Variants in APAF1 observed in about 807,000 individuals in gnomAD.
The protein encoded by APAF1 is apoptotic protease-activating factor 1.
A neutral mutation model predicts 152.4 loss-of-function variants in APAF1; 91 were observed. The ratio of observed to expected loss-of-function variants is 0.60; its 90% confidence interval spans 0.50 to 0.71. APAF1 has a LOEUF of 0.71. Ranked by LOEUF, APAF1 falls within the 30% of genes least tolerant of loss-of-function variation. The pLI is 0.00. For synonymous variants in APAF1, 484 were observed against 494.1 expected (o/e 0.98, Z 0.27); for missense variants, 1,283 against 1,472.0 (o/e 0.87, Z 2.10).
chr12:98,696,855 A>G (rs1350852756), intron 16 of APAF1, among the ~76,000 whole-genome samples: 11 of 152,174 alleles, frequency 7.2e-5, no homozygotes, highest in Admixed American at 5.2e-4. Flanking sequence ...TGTGCCAGAT[A>G]CTGTACTAGG....
chr12:98,650,426 C>T (rs2097647465), intron 4 of APAF1, among the ~76,000 whole-genome samples: 1 of 151,746 alleles, frequency 6.6e-6, no homozygotes, highest in Non-Finnish European at 1.5e-5. Flanking sequence ...GCGGAGGTTG[C>T]AGTGAGCTGA....
chr12:98,653,691 A>ATATAAATATATATATATAT (rs1429273147), intron 4 of APAF1, among the ~76,000 whole-genome samples: 4 of 15,090 alleles, frequency 2.7e-4, no homozygotes, highest in Non-Finnish European at 5.1e-4. Flanking sequence ...AAAAAAAAAA[A>ATATAAATATATATATATAT]ATATATATAT....
At position 98,732,954 on chromosome 12, in the gene APAF1, A is replaced by T. The variant is rs943026290; in HGVS notation, c.*388A>T. The T allele has an allele frequency of 2.7e-5, 6 of 218,334 alleles. No individual in the cohort carries two copies. Among genetic ancestry groups the T allele is most frequent in the African/African-American group, 1.2e-4 (5 of 42,250 alleles). 13.5% of individuals were successfully genotyped at this position (218,334 alleles called of 1,614,324 possible). ...TGTTATGCAGGCTGTGCCTCAGGGTAGCAGTGGCCTGCTTTTTGAACCACA... is the reference window on the plus strand; with the variant it reads ...TGTTATGCAGGCTGTGCCTCAGGGTTGCAGTGGCCTGCTTTTTGAACCACA... On this transcript the variant is annotated 3_prime_UTR_variant, in exon 27 of 27. Transcript: ENST00000551964.
chr12:98,675,355 A>C (rs182171961), intron 12 of APAF1, among the ~76,000 whole-genome samples: 4 of 152,316 alleles, frequency 2.6e-5, no homozygotes, highest in Admixed American at 6.5e-5. Context: ...TAGATCAAGC[A>C]GACATAAAGA....
chr12:98,647,519 C>T (rs2097642890), intron 1 of APAF1, among the ~76,000 whole-genome samples: 2 of 151,754 alleles, frequency 1.3e-5, no homozygotes, highest in Non-Finnish European at 2.9e-5. Context: ...ATTACAGGCA[C>T]CTGCCACTGC....
chr12:98,679,781 G>A (rs893111630), intron 13 of APAF1, among the ~76,000 whole-genome samples: 2 of 152,254 alleles, frequency 1.3e-5, no homozygotes, highest in African/African-American at 4.8e-5. Context: ...GAGAGCCAGA[G>A]CCCATGCTGG....
intron 18 of APAF1, among the ~76,000 whole-genome samples, chr12:98,706,046 G>A (rs1313303149): frequency 2.6e-5 from 4 of 152,010 alleles, no homozygotes; most frequent in Non-Finnish European, 5.9e-5. Context: ...ATATCTATAT[G>A]CATATATATC....
chr12:98,670,827 A>G (rs899848024), intron 10 of APAF1, 146 bp from the exon 11 acceptor site: 20 of 599,522 alleles, frequency 3.3e-5, no homozygotes, highest in Non-Finnish European at 5.7e-5. Context: ...CTTTGGAACT[A>G]TGGATGTGTT....
chr12:98,668,371 G>A (rs1229350348), intron 10 of APAF1, among the ~76,000 whole-genome samples: 2 of 152,128 alleles, frequency 1.3e-5, no homozygotes, highest in Non-Finnish European at 2.9e-5. Flanking sequence ...AGAGGAAATG[G>A]ATAGTGGAAA....
intron 14 of APAF1, 135 bp downstream of exon 14, chr12:98,680,537 C>T: frequency 2.2e-6 from 2 of 915,278 alleles, no homozygotes. Flanking sequence ...TGTAAATTAA[C>T]ACTATCTGAA....
rs2097763793 is a variant in APAF1, at chr12:98,732,423, T to C, written c.3604T>C (p.Trp1202Arg). The C allele has an allele frequency of 1.2e-6, 2 of 1,613,214 alleles. No individual in the cohort carries two copies. Among genetic ancestry groups the C allele is most frequent in the Admixed American group, 1.7e-5 (1 of 59,990 alleles). The change falls in exon 27 of 27, where the codon TGG (tryptophan) becomes CGG (arginine). Residue 1202 changes from tryptophan to arginine, a missense_variant. Transcript: ENST00000551964. The part of the protein sequence containing the change: ...LISAGGYIKW[W>R]NVVTGESSQT... ...AATTTTATTTTTCTCTGAACAGTGG[T>C]GGAACGTTGTCACTGGGGAATCCTC...
At chr12:98,650,652 A>C (rs1275624725) in intron 4 of APAF1, among the ~76,000 whole-genome samples, 1 of 152,154 alleles carries the variant, frequency 6.6e-6, no homozygotes, top group Non-Finnish European at 1.5e-5. Context: ...GTTTAATTTC[A>C]TAGCCTTTGT....
intron 22 of APAF1, among the ~76,000 whole-genome samples, chr12:98,722,181 C>G (rs1593113678): frequency 1.3e-5 from 2 of 152,208 alleles, no homozygotes; most frequent in Non-Finnish European, 2.9e-5. Flanking sequence ...GAACCCTTCT[C>G]AGTTTGTGAA....
At chr12:98,683,075 T>G in intron 14 of APAF1, 68 bp from the exon 15 acceptor site, 2 of 1,287,552 alleles carry the variant, frequency 1.6e-6, no homozygotes, top group Non-Finnish European at 2.2e-6. Context: ...CAATGGACAT[T>G]GCTTTGCCCC....
At chr12:98,723,618 T>C (rs1420942490) in intron 23 of APAF1, 21 bp from the exon 24 acceptor site, 2 of 1,474,674 alleles carry the variant, frequency 1.4e-6, no homozygotes. Flanking sequence ...AACCTCCAAG[T>C]GTTTTTTTTT....
At chr12:98,720,687 C>T (rs983929133) in intron 22 of APAF1, among the ~76,000 whole-genome samples, 19 of 152,166 alleles carry the variant, frequency 1.2e-4, no homozygotes, top group African/African-American at 4.3e-4. Flanking sequence ...AGTTTCCAGC[C>T]GGGTGCGGTG....
At chr12:98,663,125 G>A (rs920144721) in intron 7 of APAF1, among the ~76,000 whole-genome samples, 2 of 152,080 alleles carry the variant, frequency 1.3e-5, no homozygotes, top group African/African-American at 4.8e-5. Context: ...TTTTGCTTGG[G>A]ATTTTATAAA....
intron 15 of APAF1, 128 bp from the exon 16 acceptor site, chr12:98,686,620 A>T (rs1373113529): frequency 1.1e-6 from 1 of 897,032 alleles, no homozygotes; most frequent in Non-Finnish European, 1.7e-6. Flanking sequence ...CGTTTGTGTT[A>T]CTGTGAATTA....
chr12:98,667,500 C>T lies in APAF1; in HGVS notation c.1363-13C>T. ...ATTGTTTCTGGCTTCTGAAACGTTT[C>T]ATTGGGTTGCAGGATCTACATAAGA... On this transcript the variant is annotated splice_polypyrimidine_tract_variant and intron_variant, in intron 9 of 26. Transcript: ENST00000551964. 1 of 1,612,996 alleles carries T rather than the reference C, an allele frequency of 6.2e-7. No individual in the cohort carries two copies. Among genetic ancestry groups the T allele is most frequent in the Non-Finnish European group, 8.5e-7 (1 of 1,179,728 alleles).
Sources: allele counts gnomAD v4.1 joint callset (sites outside exome capture counted in the v4.1 genomes callset), GRCh38; gene constraint gnomAD v4.1.1; transcripts MANE v1.5; gene names NCBI Gene and HGNC (gene_info 2026-07-23, HGNC 2026-07-21).